Variants in ANKRD62 observed in about 807,000 individuals in gnomAD.
The protein encoded by ANKRD62 is ankyrin repeat domain 62.
In ANKRD62, 61 loss-of-function variants were observed where a neutral mutation model predicts 98.8. That is an observed-to-expected ratio of 0.62 (90% CI 0.50 to 0.76). The LOEUF (loss-of-function observed/expected upper bound fraction) is 0.76, where lower values mean the gene tolerates loss of function less well. Ranked by LOEUF, ANKRD62 falls within the 30% of genes least tolerant of loss-of-function variation. The pLI is 0.00. For missense variants in ANKRD62, 933 were observed against 1,082.9 expected, an observed-to-expected ratio of 0.86 and a Z score of 1.94; for synonymous variants, 341 against 367.9, an observed-to-expected ratio of 0.93 and a Z score of 0.84.
the ANKRD62 span, among the ~76,000 whole-genome samples, chr18:12,136,494 T>C: frequency 6.6e-6 from 1 of 152,220 alleles, no homozygotes; most frequent in South Asian, 2.1e-4. Context: ...TCCAGCTTTG[T>C]TCTTTAGGCT....
chr18:12,118,585 G>A (rs928852651), intron 10 of ANKRD62, among the ~76,000 whole-genome samples: 8 of 148,742 alleles, frequency 5.4e-5, no homozygotes, highest in African/African-American at 1.7e-4. Context: ...CTCCAGTCTC[G>A]GAGACAGAGT....
At chr18:12,125,360 A>G in intron 12 of ANKRD62, 100 bp from the exon 13 acceptor site, 1 of 1,115,456 alleles carries the variant, frequency 9.0e-7, no homozygotes, top group Non-Finnish European at 1.2e-6. Flanking sequence ...CAACTCTTTC[A>G]TTGTATAAAC....
the ANKRD62 span, among the ~76,000 whole-genome samples, chr18:12,166,260 C>A: frequency 2.0e-5 from 3 of 151,872 alleles, no homozygotes; most frequent in Admixed American, 6.6e-5. Context: ...CTACTGAAGA[C>A]CAATAATTCT....
At chr18:12,166,105 C>T in the ANKRD62 span, among the ~76,000 whole-genome samples, 1 of 152,052 alleles carries the variant, frequency 6.6e-6, no homozygotes, top group African/African-American at 2.4e-5. Context: ...TATTAAATGC[C>T]TGGAGGTAGT....
chr18:12,154,868 A>G, the ANKRD62 span, among the ~76,000 whole-genome samples: 9 of 152,350 alleles, frequency 5.9e-5, no homozygotes, highest in South Asian at 1.9e-3. Flanking sequence ...TAATGCAGGA[A>G]CAGAAAACTG....
downstream of ANKRD62, among the ~76,000 whole-genome samples, chr18:12,130,662 A>G (rs1412985247): frequency 7.1e-6 from 1 of 140,450 alleles, no homozygotes. Context: ...ATAATTCTAC[A>G]CAATGTTTTA....
chr18:12,155,047 A>G, the ANKRD62 span, among the ~76,000 whole-genome samples: 1 of 152,218 alleles, frequency 6.6e-6, no homozygotes. Flanking sequence ...GTAATGAAAT[A>G]TGTACAAGAA....
At chr18:12,096,451 C>T (rs1909184254) in intron 4 of ANKRD62, 149 bp downstream of exon 4, 1 of 539,346 alleles carries the variant, frequency 1.9e-6, no homozygotes, top group African/African-American at 2.0e-5. Flanking sequence ...GGTAGAAAAA[C>T]AATTATTTGG....
chr18:12,126,286 G>A lies in ANKRD62; in HGVS notation c.2465G>A (p.Cys822Tyr). The A allele has an allele frequency of 1.3e-6, 2 of 1,535,882 alleles. No individual in the cohort carries two copies. The highest frequency in any genetic ancestry group is 1.7e-6 in the Non-Finnish European group (2 of 1,146,714). ...ACTGTAGAAAAACTTCAAGCTGAGTGTAGAAAGCTAGAAGAGAACAATAAG... is the reference window on the plus strand; with the variant it reads ...ACTGTAGAAAAACTTCAAGCTGAGTATAGAAAGCTAGAAGAGAACAATAAG... ...EDTVEKLQAECRKLEENNKGL... is the reference protein window; with the variant it reads ...EDTVEKLQAEYRKLEENNKGL... Residue 822 changes from cysteine to tyrosine, a missense_variant, in exon 13 of 14, where the codon TGT becomes TAT. Physicochemically the swap from Cys to Tyr is radical, Grantham distance 194. Coordinates refer to ENST00000587848, the MANE Select transcript of ANKRD62 (RefSeq NM_001277333.2).
the ANKRD62 span, among the ~76,000 whole-genome samples, chr18:12,152,270 G>A: frequency 6.7e-6 from 1 of 149,144 alleles, no homozygotes; most frequent in African/African-American, 2.5e-5. Context: ...GAAACCTGCA[G>A]AAACACAACC....
the ANKRD62 span, among the ~76,000 whole-genome samples, chr18:12,141,171 T>G: frequency 5.3e-5 from 8 of 152,236 alleles, no homozygotes; most frequent in Non-Finnish European, 2.9e-5. Flanking sequence ...GGATATAATC[T>G]CCTGGTGTGC....
At chr18:12,107,593 G>A (rs1174031049) in intron 8 of ANKRD62, 126 bp downstream of exon 8, 9 of 712,230 alleles carry the variant, frequency 1.3e-5, no homozygotes, top group Non-Finnish European at 1.8e-5. Context: ...GCCTTGCCTG[G>A]TAATCATAAA....
chr18:12,161,964 T>C, the ANKRD62 span, among the ~76,000 whole-genome samples: 1 of 152,186 alleles, frequency 6.6e-6, no homozygotes, highest in African/African-American at 2.4e-5. Context: ...ATCTTGGCTA[T>C]TGTGAACAGT....
chr18:12,151,066 A>G, the ANKRD62 span, among the ~76,000 whole-genome samples: 3 of 152,248 alleles, frequency 2.0e-5, no homozygotes, highest in Non-Finnish European at 4.4e-5. Flanking sequence ...TGACACCCAT[A>G]GGCTCAAAAT....
chr18:12,097,603 A>G (rs754600449), intron 4 of ANKRD62, 37 bp from the exon 5 acceptor site: 2 of 1,505,832 alleles, frequency 1.3e-6, no homozygotes, highest in South Asian at 1.3e-5. Flanking sequence ...TAGCTTTGCT[A>G]AAGTTCCTAA....
In ANKRD62 at chr18:12,103,211, G is replaced by A. The variant is rs1179711169; in HGVS notation, c.874G>A (p.Glu292Lys). The change falls in exon 7 of 14, where the codon GAA (glutamate) becomes AAA (lysine). Residue 292 changes from glutamate (E) to lysine (K), a missense_variant. Transcript: ENST00000587848. ...EGEQERLEGC[E>K]SSQPQVEEKM... is the part of the protein sequence containing the mutation. ...AGAGCAAGAAAGGCTTGAAGGATGT[G>A]AAAGTAGCCAGCCACAGGTATGTAA... 5.9e-6 allele frequency: 8 copies of A among 1,360,732 alleles called. No homozygotes were observed. The highest frequency in any genetic ancestry group is 3.0e-5 in the Admixed American group (1 of 33,304). The allele number at this position is 1,360,732 out of a possible 1,614,324, so 84.3% of individuals were successfully genotyped here.
At chr18:12,137,163 AGT>A in the ANKRD62 span, among the ~76,000 whole-genome samples, 1 of 152,194 alleles carries the variant, frequency 6.6e-6, no homozygotes, top group African/African-American at 2.4e-5. Context: ...TTGCCCATTC[AGT>A]ATGATATTGG....
chr18:12,112,897 G>T (rs775984901), intron 8 of ANKRD62, among the ~76,000 whole-genome samples: 1 of 152,094 alleles, frequency 6.6e-6, no homozygotes, highest in Admixed American at 6.6e-5. Flanking sequence ...GACATGAACA[G>T]ATTTCTTTTT....
intron 8 of ANKRD62, among the ~76,000 whole-genome samples, chr18:12,112,008 G>A (rs1238271194): frequency 6.6e-6 from 1 of 151,368 alleles, no homozygotes; most frequent in African/African-American, 2.4e-5. Context: ...TACTTGGGAG[G>A]CTGAGGCAAG....
Sources: gnomAD v4.1 joint callset for allele counts (sites outside exome capture counted in the v4.1 genomes callset) on GRCh38, gnomAD v4.1.1 for gene constraint, MANE v1.5 for transcripts, NCBI Gene and HGNC (gene_info 2026-07-23, HGNC 2026-07-21) for gene names.